Variants in RYR3 observed in about 807,000 individuals in gnomAD.
RYR3 encodes ryanodine receptor 3.
RYR3 carries 207 observed loss-of-function variants against 584.3 expected under a neutral mutation model. That is an observed-to-expected ratio of 0.35 (90% CI 0.32 to 0.40). The LOEUF is 0.40. Among genes scored for constraint, RYR3 ranks in the 10% least tolerant of loss-of-function variants. The pLI is 1.00. For missense variants in RYR3, 5,616 were observed against 6,089.2 expected (o/e 0.92, Z 2.59); for synonymous variants, 2,416 against 2,248.5 (o/e 1.07, Z -2.11).
chr15:33,696,487 C>T lies in RYR3; in HGVS notation c.6130C>T (p.Leu2044=). 1 of 1,613,848 alleles carries T rather than the reference C, an allele frequency of 6.2e-7. No individual in the cohort carries two copies. Among genetic ancestry groups the T allele is most frequent in the Non-Finnish European group, 8.5e-7 (1 of 1,179,802 alleles). The part of the protein sequence containing the change: ...KEEELLMING[L]GDIMNNKVFY... ...AGAGGAGTTGCTCATGATCAATGGG[C>T]TGGGGTAGGTGATTCACGGTTACGT... The change falls in exon 39 of 104, where the codon CTG becomes TTG. Residue 2044 remains leucine (L), a synonymous_variant. Transcript: ENST00000634891.
At chr15:33,804,757 T>C (rs925458488) in intron 69 of RYR3, among the ~76,000 whole-genome samples, 4 of 152,198 alleles carry the variant, frequency 2.6e-5, no homozygotes, top group Non-Finnish European at 5.9e-5. Context: ...TCCCTGCAAT[T>C]AGATGTTCTC....
chr15:33,435,968 C>A lies in RYR3; in HGVS notation c.52-37451C>A, dbSNP rs138700397. The stretch of plus-strand genomic sequence containing the variant: ...TGGTCCATTTTACAGAGTTCTGATT[C>A]GTCAATTTTACAGAGTTCTGATTGG... On this transcript the variant is annotated intron_variant, in intron 1 of 103. Transcript: ENST00000634891. 1.3e-3 allele frequency among the ~76,000 whole-genome samples: 199 copies of A among 147,790 alleles called. 1 individual carries two copies. The highest frequency in any genetic ancestry group is 1.5e-3 in the Non-Finnish European group (100 of 65,268).
At chr15:33,792,356 C>T (rs1449866085) in intron 67 of RYR3, among the ~76,000 whole-genome samples, 1 of 152,140 alleles carries the variant, frequency 6.6e-6, no homozygotes, top group East Asian at 1.9e-4. Context: ...GGCCTCTCCC[C>T]CAACCCGAGT....
At chr15:33,504,902 G>A (rs1182360811) in intron 3 of RYR3, among the ~76,000 whole-genome samples, 1 of 152,142 alleles carries the variant, frequency 6.6e-6, no homozygotes, top group Non-Finnish European at 1.5e-5. Flanking sequence ...ATCCTTCAAG[G>A]AACTAGTTTA....
Position 33,865,626 on chromosome 15 carries a change from C to CT in RYR3, c.*400_*401insT, listed in dbSNP as rs1890245135. 1 of 111,152 alleles carries CT rather than the reference C, an allele frequency of 9.0e-6. No homozygotes were observed. The highest frequency in any genetic ancestry group is 1.9e-4 in the South Asian group (1 of 5,292). 6.9% of individuals were successfully genotyped at this position (111,152 alleles called of 1,614,324 possible). On this transcript the variant is annotated 3_prime_UTR_variant, in exon 104 of 104. Coordinates refer to ENST00000634891, the MANE Select transcript of RYR3 (RefSeq NM_001036.6). ...TCATCATGGTATCCAACTTGTGACT[C>CT]ATAGGGTCTGAACTCACTCCAAAAG... is the stretch of plus-strand genomic sequence containing the variant.
chr15:33,826,309 A>T (rs1361106682), intron 83 of RYR3, 40 bp downstream of exon 83: 2 of 1,604,488 alleles, frequency 1.2e-6, no homozygotes, highest in African/African-American at 2.7e-5. Flanking sequence ...ACCGTGTGTG[A>T]ATCCTAGGAG....
intron 10 of RYR3, among the ~76,000 whole-genome samples, chr15:33,550,843 T>A (rs1329803384): frequency 6.6e-6 from 1 of 152,224 alleles, no homozygotes; most frequent in African/African-American, 2.4e-5. Flanking sequence ...TATCTTGCAG[T>A]TATTAATATC....
intron 66 of RYR3, among the ~76,000 whole-genome samples, chr15:33,787,948 T>A (rs1447874032): frequency 1.3e-5 from 2 of 152,190 alleles, no homozygotes; most frequent in Non-Finnish European, 2.9e-5. Context: ...AGGCCATGTG[T>A]GCATGAGAGG....
At chr15:33,693,402 T>C (rs1596188427) in intron 38 of RYR3, among the ~76,000 whole-genome samples, 1 of 152,220 alleles carries the variant, frequency 6.6e-6, no homozygotes, top group Non-Finnish European at 1.5e-5. Flanking sequence ...TCCTGGGGCC[T>C]CCTAGGCCCT....
In RYR3 at chr15:33,765,358, C is replaced by T. The variant is rs533554057; in HGVS notation, c.8706-3300C>T. Among the ~76,000 whole-genome samples, 6 of 152,132 alleles carry T rather than the reference C, an allele frequency of 3.9e-5. 1 individual carries two copies. Among genetic ancestry groups the T allele is most frequent in the Admixed American group, 2.0e-4 (3 of 15,288 alleles). On this transcript the variant is annotated intron_variant, in intron 60 of 103. Coordinates refer to ENST00000634891, the MANE Select transcript of RYR3 (RefSeq NM_001036.6). ...TAATGAAAATAGTTAGGAGGCCAGG[C>T]GCGGTGGCTCACACCTGTAATCCCA... is the stretch of plus-strand genomic sequence containing the variant.
intron 94 of RYR3, chr15:33,849,932 A>G (rs915648416): frequency 3.3e-5 from 5 of 152,258 alleles, no homozygotes; most frequent in Admixed American, 3.3e-4. Flanking sequence ...CTTCTCACAC[A>G]AGGAAAAGCA....
intron 1 of RYR3, among the ~76,000 whole-genome samples, chr15:33,429,143 T>C (rs545172858): frequency 6.6e-6 from 1 of 152,294 alleles, no homozygotes; most frequent in East Asian, 1.9e-4. Flanking sequence ...CGTGGAAACA[T>C]GATGCAGGAG....
chr15:33,323,198 G>T (rs190473573), intron 1 of RYR3, among the ~76,000 whole-genome samples: 1 of 151,930 alleles, frequency 6.6e-6, no homozygotes, highest in Non-Finnish European at 1.5e-5. Flanking sequence ...TGCAAGCTCC[G>T]CCTCCCAGGT....
At chr15:33,817,383 T>C (rs879279583) in intron 75 of RYR3, among the ~76,000 whole-genome samples, 9 of 152,158 alleles carry the variant, frequency 5.9e-5, no homozygotes, top group Non-Finnish European at 7.3e-5. Context: ...TTCAGAAAAT[T>C]TGGCATGCCT....
At chr15:33,478,289 A>G (rs972882876) in intron 2 of RYR3, among the ~76,000 whole-genome samples, 25 of 152,140 alleles carry the variant, frequency 1.6e-4, no homozygotes, top group African/African-American at 3.6e-4. Context: ...TGGATTTCCA[A>G]TCCCCAGATG....
At chr15:33,511,372 G>A (rs1441339281) in intron 3 of RYR3, among the ~76,000 whole-genome samples, 1 of 141,282 alleles carries the variant, frequency 7.1e-6, no homozygotes, top group Non-Finnish European at 1.5e-5. Context: ...AGCATCAGTA[G>A]ACTCCTCAAA....
intron 2 of RYR3, among the ~76,000 whole-genome samples, chr15:33,474,016 CAG>C (rs764927647): frequency 1.6e-4 from 25 of 152,172 alleles, no homozygotes; most frequent in Non-Finnish European, 8.8e-5. Context: ...GACACGAGGG[CAG>C]AGAGTAATGT....
At chr15:33,655,808 C>T (rs530366873) in intron 32 of RYR3, among the ~76,000 whole-genome samples, 1 of 152,206 alleles carries the variant, frequency 6.6e-6, no homozygotes, top group Non-Finnish European at 1.5e-5. Flanking sequence ...TGGTCCCTGA[C>T]AGTGGGATCG....
rs200633596 is a variant in RYR3, at chr15:33,430,454, G to A, written c.52-42965G>A. On this transcript the variant is annotated intron_variant, in intron 1 of 103. Transcript: ENST00000634891. ...TGATTTGCAATTGGTTGAGGAGGGA[G>A]AGCTTTATCTAAAAATTTAGGGTCA... Among the ~76,000 whole-genome samples, 36 of 152,322 alleles carry A rather than the reference G, an allele frequency of 2.4e-4. No individual in the cohort carries two copies. The East Asian group carries it at 6.2e-3, about 26-fold the overall frequency.
Sources: allele counts gnomAD v4.1 joint callset (sites outside exome capture counted in the v4.1 genomes callset), GRCh38; gene constraint gnomAD v4.1.1; transcripts MANE v1.5; gene names NCBI Gene and HGNC (gene_info 2026-07-23, HGNC 2026-07-21).